Variants in SEPHS1 observed in about 807,000 individuals in gnomAD.
The protein encoded by SEPHS1 is selenophosphate synthetase 1, also known as zincore component SEPHS1.
A neutral mutation model predicts 39.2 loss-of-function variants in SEPHS1; 7 were observed. The observed-to-expected ratio is 0.18, with a 90% CI of 0.10 to 0.34. SEPHS1 has a LOEUF of 0.34. Among genes scored for constraint, SEPHS1 ranks in the 10% least tolerant of loss-of-function variants. SEPHS1 has a pLI of 1.00. For missense variants in SEPHS1, 253 were observed against 514.5 expected (o/e 0.49, Z 4.92); for synonymous variants, 190 against 195.5 (o/e 0.97, Z 0.23).
In SEPHS1 at chr10:13,347,694, G is replaced by A. The variant is rs1171482895; in HGVS notation, c.-79+306C>T. 2.7e-5 allele frequency among the ~76,000 whole-genome samples: 4 copies of A among 146,534 alleles called. No homozygotes were observed. In the South Asian group the frequency reaches 6.3e-4, roughly 23 times the overall value. ...CCGCCGCCGCCGCGCAAAAATGTCG[G>A]CGGGCGAAAAAATTAACCCCTGCGT... On this transcript the variant is annotated intron_variant, in intron 1 of 8. Coordinates refer to ENST00000327347, the MANE Select transcript of SEPHS1 (RefSeq NM_012247.5).
intron 7 of SEPHS1, among the ~76,000 whole-genome samples, chr10:13,325,526 C>T (rs934856297): frequency 1.3e-5 from 2 of 152,270 alleles, no homozygotes; most frequent in South Asian, 2.1e-4. Context: ...AACCTAGGTG[C>T]CTGTTTCCCC....
intron 1 of SEPHS1, chr10:13,345,515 T>C (rs1240821070): frequency 6.6e-6 from 1 of 152,270 alleles, no homozygotes; most frequent in African/African-American, 2.4e-5. Flanking sequence ...TTAATGTAAA[T>C]GCATTGGACA....
chr10:13,347,664 GGCCGCCGCC>G (rs767115383), intron 1 of SEPHS1, among the ~76,000 whole-genome samples: 1 of 146,022 alleles, frequency 6.8e-6, no homozygotes, highest in Non-Finnish European at 1.5e-5. Context: ...CGCGCGCACG[GGCCGCCGCC>G]GCCGCCGCGC....
chr10:13,336,648 G>A (rs1385845791), intron 3 of SEPHS1, among the ~76,000 whole-genome samples: 3 of 152,184 alleles, frequency 2.0e-5, no homozygotes, highest in Admixed American at 6.5e-5. Flanking sequence ...TATTTAGATA[G>A]GGGAAGGGGT....
intron 8 of SEPHS1, among the ~76,000 whole-genome samples, chr10:13,321,773 T>C (rs911084069): frequency 1.3e-5 from 2 of 152,224 alleles, no homozygotes; most frequent in African/African-American, 4.8e-5. Flanking sequence ...ATGGCGAGCC[T>C]GTAGGCTGTG....
At chr10:13,325,965 T>TAAA (rs1471172911) in intron 7 of SEPHS1, among the ~76,000 whole-genome samples, 1 of 34,214 alleles carries the variant, frequency 2.9e-5, no homozygotes, top group Non-Finnish European at 7.8e-5. Context: ...AAAAAAAAAA[T>TAAA]AATAATAATA....
chr10:13,320,469 C>A (rs1049687749), intron 8 of SEPHS1, among the ~76,000 whole-genome samples: 1 of 152,098 alleles, frequency 6.6e-6, no homozygotes, highest in Non-Finnish European at 1.5e-5. Flanking sequence ...GCGTGAGCCA[C>A]TGCACCGGGC....
intron 1 of SEPHS1, among the ~76,000 whole-genome samples, chr10:13,347,780 C>CGCGGCGGCG (rs537003074): frequency 2.9e-5 from 4 of 138,388 alleles, no homozygotes; most frequent in Non-Finnish European, 6.4e-5. Flanking sequence ...CCCGGCCCCG[C>CGCGGCGGCG]GCGGCGGCGG....
intron 4 of SEPHS1, among the ~76,000 whole-genome samples, chr10:13,334,362 GA>G (rs1833562114): frequency 6.6e-6 from 1 of 152,106 alleles, no homozygotes; most frequent in African/African-American, 2.4e-5. Context: ...CCAACATGGT[GA>G]AACCCCGTCT....
chr10:13,323,058 G>GA lies in SEPHS1; in HGVS notation c.752-12dup. 1 of 1,613,174 alleles carries GA rather than the reference G, an allele frequency of 6.2e-7. No individual in the cohort carries two copies. The highest frequency in any genetic ancestry group is 1.1e-5 in the South Asian group (1 of 91,010). ...GCATGAGTCCTGCAGCTGGGAGAGAGAGGGGGCGGCTCTGAGAAAAAACAC... is the reference window on the plus strand; with the variant it reads ...GCATGAGTCCTGCAGCTGGGAGAGAGAAGGGGGCGGCTCTGAGAAAAAACAC... On this transcript the variant is annotated splice_polypyrimidine_tract_variant and intron_variant, in intron 7 of 8. Coordinates refer to ENST00000327347, the MANE Select transcript of SEPHS1 (RefSeq NM_012247.5).
chr10:13,320,400 C>G (rs1040555732), intron 8 of SEPHS1, among the ~76,000 whole-genome samples: 2 of 151,790 alleles, frequency 1.3e-5, no homozygotes, highest in African/African-American at 4.8e-5. Flanking sequence ...CCAGGATGGT[C>G]TCGATCTCCT....
chr10:13,344,988 C>T lies in SEPHS1; in HGVS notation c.-38G>A. 1.4e-6 allele frequency: 2 copies of T among 1,408,976 alleles called. No individual in the cohort carries two copies. Among genetic ancestry groups the T allele is most frequent in the Non-Finnish European group, 1.9e-6 (2 of 1,070,196 alleles). The allele number at this position is 1,408,976 out of a possible 1,614,324, so 87.3% of individuals were successfully genotyped here. A position where few individuals can be genotyped will look rare whatever the true frequency, so the allele number is the denominator to read the frequency against. ...CCGCTCTCCTCACAGCTCAGCCCCT[C>T]CCCTCCCTCTGCGGGTTGGCTGGGT... is the stretch of plus-strand genomic sequence containing the variant. On this transcript the variant is annotated 5_prime_UTR_variant, in exon 2 of 9. Transcript: ENST00000327347.
chr10:13,321,719 G>C (rs1454397824), intron 8 of SEPHS1, among the ~76,000 whole-genome samples: 3 of 152,198 alleles, frequency 2.0e-5, no homozygotes, highest in Non-Finnish European at 2.9e-5. Flanking sequence ...TCAGGAGGAC[G>C]CGCCATCTGG....
intron 8 of SEPHS1, among the ~76,000 whole-genome samples, chr10:13,321,390 G>T (rs1833110189): frequency 6.6e-6 from 1 of 152,088 alleles, no homozygotes; most frequent in South Asian, 2.1e-4. Context: ...GGGATTACAG[G>T]GCACACGCCA....
At position 13,321,434 on chromosome 10, in the gene SEPHS1, G is replaced by C. The variant is rs573091339; in HGVS notation, c.964+1401C>G. On this transcript the variant is annotated intron_variant, in intron 8 of 8. Transcript: ENST00000327347. ...CGCTAATTTTTGTATTTTTAGTAGA[G>C]ACAGGGTTTCACCATGTTGGTCAGG... Among the ~76,000 whole-genome samples the C allele has an allele frequency of 2.9e-4, 44 of 152,168 alleles. No homozygotes were observed. The South Asian group carries it at 9.1e-3, about 32-fold the overall frequency.
chr10:13,336,195 C>A, intron 4 of SEPHS1, 48 bp downstream of exon 4: 1 of 1,335,714 alleles, frequency 7.5e-7, no homozygotes. Flanking sequence ...GCCAGAGATG[C>A]CACCGGGACA....
Position 13,319,134 on chromosome 10 carries a change from T to C in SEPHS1, c.*8A>G. The C allele has an allele frequency of 1.2e-6, 2 of 1,610,902 alleles. No homozygotes were observed. The highest frequency in any genetic ancestry group is 1.7e-4 in the Middle Eastern group (1 of 5,928). ...AAAAACAAAACCAAACAGCTATTTC[T>C]GTCTAGATTAAGAGGTGGCCCCGGG... On this transcript the variant is annotated 3_prime_UTR_variant, in exon 9 of 9. Transcript: ENST00000327347.
chr10:13,332,736 G>A (rs7918050), intron 5 of SEPHS1, among the ~76,000 whole-genome samples: 67,106 of 151,224 alleles, frequency 0.44, 16,961 homozygotes, highest in East Asian at 0.77. Context: ...CCAGCTACTC[G>A]GGAAGCTGAG....
chr10:13,335,427 A>T (rs373951322), intron 4 of SEPHS1, among the ~76,000 whole-genome samples: 30 of 152,230 alleles, frequency 2.0e-4, no homozygotes, highest in South Asian at 1.5e-3. Flanking sequence ...GCACTTTGGG[A>T]GGCCGAAGTG....
Sources: allele counts gnomAD v4.1 joint callset (sites outside exome capture counted in the v4.1 genomes callset), GRCh38; gene constraint gnomAD v4.1.1; transcripts MANE v1.5; gene names NCBI Gene and HGNC (gene_info 2026-07-23, HGNC 2026-07-21).